Variants in MOG observed in about 807,000 individuals in gnomAD.
MOG encodes myelin oligodendrocyte glycoprotein.
In MOG, 20 loss-of-function variants were observed where a neutral mutation model predicts 35.9. That is an observed-to-expected ratio of 0.56 (90% CI 0.39 to 0.81). The LOEUF (loss-of-function observed/expected upper bound fraction) is 0.81, where lower values mean the gene tolerates loss of function less well. Ranked by LOEUF, MOG falls within the 30% of genes least tolerant of loss-of-function variation. The pLI, the probability that MOG is intolerant of heterozygous loss-of-function variation, is 0.00. For missense variants in MOG, 251 were observed against 301.0 expected (o/e 0.83, Z 1.23); for synonymous variants, 92 against 114.3 (o/e 0.80, Z 1.25).
rs888390062 is a variant in MOG, at chr6:29,662,060, A to G, written c.436+2394A>G. The stretch of plus-strand genomic sequence containing the variant: ...AAGTAATGGTATTATTGCAAGTCTC[A>G]GGTGTAACTACCTCTGCTCTTTCTC... On this transcript the variant is annotated intron_variant, in intron 2 of 7. Coordinates refer to ENST00000376917, the MANE Select transcript of MOG (RefSeq NM_206809.4). The surrounding 1 kb of genome is among the most constrained non-coding windows in gnomAD (Gnocchi z 4.2). The G allele has an allele frequency of 7.1e-6, 7 of 985,310 alleles. No individual in the cohort carries two copies. The Admixed American group carries it at 2.5e-4, about 35-fold the overall frequency. 61.0% of individuals were successfully genotyped at this position (985,310 alleles called of 1,614,324 possible).
At position 29,659,391 on chromosome 6, in the gene MOG, G is replaced by T. The variant is rs530507776; in HGVS notation, c.161G>T (p.Arg54Leu). 1.2e-6 allele frequency: 2 copies of T among 1,612,956 alleles called. No individual in the cohort carries two copies. Among genetic ancestry groups the T allele is most frequent in the Non-Finnish European group, 1.7e-6 (2 of 1,179,978 alleles). ...LVGDEVELPC[R>L]ISPGKNATGM... ...GGGGATGAAGTGGAATTGCCATGTC[G>T]CATATCTCCTGGGAAGAACGCTACA... Residue 54 changes from arginine (R) to leucine (L), a missense_variant, in exon 2 of 8, where the codon CGC (arginine) becomes CTC (leucine). Physicochemically the swap from Arg to Leu is moderately radical, Grantham distance 102. Coordinates refer to ENST00000376917, the MANE Select transcript of MOG (RefSeq NM_206809.4).
intron 2 of MOG, among the ~76,000 whole-genome samples, chr6:29,660,963 C>A (rs2857781): frequency 0.19 from 28,501 of 152,066 alleles, 2,966 homozygotes; most frequent in East Asian, 0.23. Context: ...CTCGCCTCAG[C>A]CTCCCAAAGT....
chr6:29,665,551 C>A (rs1770026285), intron 2 of MOG, among the ~76,000 whole-genome samples: 1 of 151,776 alleles, frequency 6.6e-6, no homozygotes, highest in Non-Finnish European at 1.5e-5. Context: ...AGCTTTGAAT[C>A]CCCTGACTTC....
intron 5 of MOG, among the ~76,000 whole-genome samples, chr6:29,669,558 T>C (rs1299645996): frequency 6.6e-6 from 1 of 152,202 alleles, no homozygotes; most frequent in Non-Finnish European, 1.5e-5. Context: ...TCCAAAGTGC[T>C]GGGATTACAG....
intron 1 of MOG, among the ~76,000 whole-genome samples, chr6:29,658,944 T>C (rs1767828921): frequency 6.6e-6 from 1 of 152,136 alleles, no homozygotes; most frequent in East Asian, 1.9e-4. Context: ...AAACCTCATC[T>C]TTACTAAAAA....
chr6:29,670,932 G>A lies in MOG; in HGVS notation c.730+211G>A, dbSNP rs2127539340. On this transcript the variant is annotated intron_variant, in intron 7 of 7. Transcript: ENST00000376917. The surrounding 1 kb of genome is among the most constrained non-coding windows in gnomAD (Gnocchi z 4.2). Reference sequence around the variant, plus strand: ...ACATTTACAGGTGGCAGAGAAGCTGGAGGCACTCCTATCTGCCACCTGATC... The same window carrying A: ...ACATTTACAGGTGGCAGAGAAGCTGAAGGCACTCCTATCTGCCACCTGATC... 1 of 1,611,350 alleles carries A rather than the reference G, an allele frequency of 6.2e-7. No individual in the cohort carries two copies. Among genetic ancestry groups the A allele is most frequent in the East Asian group, 2.2e-5 (1 of 44,840 alleles).
Position 29,659,368 on chromosome 6 carries a change from G to T in MOG, c.138G>T (p.Gly46=), listed in dbSNP as rs1767955450. 6.2e-7 allele frequency: 1 copy of T among 1,612,828 alleles called. No individual in the cohort carries two copies. Among genetic ancestry groups the T allele is most frequent in the African/African-American group, 1.3e-5 (1 of 74,894 alleles). ...GACACCCTATCCGGGCTCTGGTCGG[G>T]GATGAAGTGGAATTGCCATGTCGCA... is the stretch of plus-strand genomic sequence containing the variant. ...GPRHPIRALV[G]DEVELPCRIS... is the part of the protein sequence containing the mutation. The change falls in exon 2 of 8, where the codon GGG becomes GGT. Residue 46 remains glycine, a synonymous_variant. Transcript: ENST00000376917.
At chr6:29,659,847 G>A in intron 2 of MOG, 181 bp downstream of exon 2, 1 of 639,634 alleles carries the variant, frequency 1.6e-6, no homozygotes, top group African/African-American at 1.8e-5. Flanking sequence ...ATTATTCAGA[G>A]TAGCAAGGAA....
At chr6:29,657,421 G>T in intron 1 of MOG, 124 bp downstream of exon 1, 1 of 772,338 alleles carries the variant, frequency 1.3e-6, no homozygotes. Context: ...TAGACCTACT[G>T]ACATGCCTCC....
chr6:29,667,625 T>C lies in MOG; in HGVS notation c.551-18T>C. Reference sequence around the variant, plus strand: ...CCAGAACATGCAGGAACTAAAATGTTGCCTTTTTCTATTTTAGGAAAACTT... The same window carrying C: ...CCAGAACATGCAGGAACTAAAATGTCGCCTTTTTCTATTTTAGGAAAACTT... On this transcript the variant is annotated intron_variant, in intron 3 of 7. Coordinates refer to ENST00000376917, the MANE Select transcript of MOG (RefSeq NM_206809.4). 2 of 1,613,916 alleles carry C rather than the reference T, an allele frequency of 1.2e-6. No individual in the cohort carries two copies. Among genetic ancestry groups the C allele is most frequent in the Non-Finnish European group, 1.7e-6 (2 of 1,179,932 alleles).
rs1440970562 is a variant in MOG at position 29,670,902 on chromosome 6, G to C, written c.730+181G>C. 1 of 1,603,592 alleles carries C rather than the reference G, an allele frequency of 6.2e-7. No homozygotes were observed. The highest frequency in any genetic ancestry group is 8.5e-7 in the Non-Finnish European group (1 of 1,175,344). ...TAGAGGGCAAAGAAGCCAGCTGTTA[G>C]AGACACATTTACAGGTGGCAGAGAA... On this transcript the variant is annotated intron_variant, in intron 7 of 7. Transcript: ENST00000376917. The surrounding 1 kb of genome is among the most constrained non-coding windows in gnomAD (Gnocchi z 4.2).
rs1246638002 is a variant in MOG at position 29,662,567 on chromosome 6, TCCAGGGA to T, written c.436+2905_436+2911del. 1.3e-5 allele frequency among the ~76,000 whole-genome samples: 2 copies of T among 151,850 alleles called. No homozygotes were observed. Among genetic ancestry groups the T allele is most frequent in the Non-Finnish European group, 2.9e-5 (2 of 67,998 alleles). On this transcript the variant is annotated intron_variant, in intron 2 of 7. Transcript: ENST00000376917. This position sits in a 1 kb window ranked among gnomAD's most constrained non-coding sequence, Gnocchi z 4.2. ...ACCACCTTGCTGCAGCACTTGTCAA[TCCAGGGA>T]CCACCCACCTCACCGGCTCCCCACT...
Position 29,668,681 on chromosome 6 carries a change from A to G in MOG, c.592+757A>G, listed in dbSNP as rs1345705816. On this transcript the variant is annotated intron_variant, in intron 5 of 7. Coordinates refer to ENST00000376917, the MANE Select transcript of MOG (RefSeq NM_206809.4). ...AGACCAGTGTGTGGACCACACACAC[A>G]CACATCTTTACACACCCAAAGAGGA... Among the ~76,000 whole-genome samples the G allele has an allele frequency of 2.0e-5, 3 of 152,188 alleles. No individual in the cohort carries two copies. The East Asian group carries it at 5.8e-4, about 29-fold the overall frequency.
intron 2 of MOG, chr6:29,661,882 G>A (rs1178667724): frequency 1.0e-6 from 1 of 984,888 alleles, no homozygotes; most frequent in Non-Finnish European, 1.2e-6. Context: ...TTGCCTCAGG[G>A]GAGAAAGTTC....
At chr6:29,657,418 A>G (rs9461541) in intron 1 of MOG, 121 bp downstream of exon 1, 44,327 of 787,930 alleles carry the variant, frequency 0.056, 1,895 homozygotes, top group African/African-American at 0.17. Flanking sequence ...ACATAGACCT[A>G]CTGACATGCC....
chr6:29,659,051 G>T (rs1767865893), intron 1 of MOG, among the ~76,000 whole-genome samples: 1 of 152,054 alleles, frequency 6.6e-6, no homozygotes, highest in South Asian at 2.1e-4. Flanking sequence ...GGCGGAGGTT[G>T]CAGGGAGGCG....
At position 29,671,728 on chromosome 6, in the gene MOG, T is replaced by A. The variant is rs764367849; in HGVS notation, c.*543T>A. 51 of 543,924 alleles carry A rather than the reference T, an allele frequency of 9.4e-5. No homozygotes were observed. Among genetic ancestry groups the A allele is most frequent in the Non-Finnish European group, 1.6e-4 (48 of 305,914 alleles). The allele number at this position is 543,924 out of a possible 1,614,324, so 33.7% of individuals were successfully genotyped here. On this transcript the variant is annotated 3_prime_UTR_variant, in exon 8 of 8. Transcript: ENST00000376917. ...AGTAGCCCCAACCCAAACCTGGAGATGGGGAGAAACCTACAGAATACTAGC... is the reference window on the plus strand; with the variant it reads ...AGTAGCCCCAACCCAAACCTGGAGAAGGGGAGAAACCTACAGAATACTAGC...
intron 1 of MOG, among the ~76,000 whole-genome samples, chr6:29,657,751 C>T (rs972097538): frequency 1.3e-5 from 2 of 150,718 alleles, no homozygotes; most frequent in African/African-American, 2.4e-5. Context: ...CCTGCTGATC[C>T]GCCCGCCTCA....
intron 2 of MOG, chr6:29,664,605 A>AT: frequency 4.6e-6 from 2 of 437,124 alleles, no homozygotes; most frequent in South Asian, 3.2e-5. Context: ...CCCATCTCAG[A>AT]ATTTTTTTTT....
Sources: allele counts gnomAD v4.1 joint callset (sites outside exome capture counted in the v4.1 genomes callset), GRCh38; gene constraint gnomAD v4.1.1; non-coding constraint Gnocchi (gnomAD v3.1); transcripts MANE v1.5; gene names NCBI Gene and HGNC (gene_info 2026-07-23, HGNC 2026-07-21).